GRID2: variants seen among roughly 807,000 people sequenced by gnomAD.
The protein encoded by GRID2 is glutamate ionotropic receptor delta type subunit 2.
In GRID2, 33 loss-of-function variants were observed where a neutral mutation model predicts 114.8. That is an observed-to-expected ratio of 0.29 (90% confidence interval 0.22 to 0.38). The LOEUF (loss-of-function observed/expected upper bound fraction) is 0.38. GRID2 is among the 10% of genes least tolerant of loss of function. GRID2 has a pLI of 1.00. For synonymous variants in GRID2, 505 were observed against 449.9 expected (o/e 1.12, Z -1.55); for missense variants, 1,184 against 1,257.7 (o/e 0.94, Z 0.89).
rs553597709 is a variant in GRID2 at position 93,394,156 on chromosome 4, A to T, written c.1246-1451A>T. On this transcript the variant is annotated intron_variant, in intron 8 of 15. Transcript: ENST00000282020. ...CTCAGAAGAGAAAAGCTCAAAAGAA[A>T]TTTCGTAAAGTTTTAAATATGGCAA... Among the ~76,000 whole-genome samples the T allele has an allele frequency of 9.2e-5, 14 of 152,098 alleles. No individual in the cohort carries two copies. The South Asian group carries it at 1.7e-3, about 18-fold the overall frequency.
chr4:92,689,599 C>T (rs1294027710), intron 2 of GRID2, among the ~76,000 whole-genome samples: 1 of 152,196 alleles, frequency 6.6e-6, no homozygotes, highest in African/African-American at 2.4e-5. Context: ...CTAGGTTAAG[C>T]ACTCCTTATG....
At chr4:93,611,155 G>T (rs1186514668) in intron 13 of GRID2, among the ~76,000 whole-genome samples, 1 of 102,210 alleles carries the variant, frequency 9.8e-6, no homozygotes, top group Non-Finnish European at 2.0e-5. Context: ...GGGATCGGTG[G>T]TGATATCCCC....
chr4:92,610,029 T>C (rs1232743699), intron 2 of GRID2, among the ~76,000 whole-genome samples: 2 of 151,662 alleles, frequency 1.3e-5, no homozygotes, highest in African/African-American at 4.8e-5. Flanking sequence ...TCTTCTACAG[T>C]AGCAGAGTTT....
chr4:93,018,016 C>T (rs556184064), intron 2 of GRID2, among the ~76,000 whole-genome samples: 6 of 150,032 alleles, frequency 4.0e-5, no homozygotes, highest in African/African-American at 9.8e-5. Context: ...AATCTAATTA[C>T]GTAACAGGAA....
chr4:93,372,864 T>C (rs1210749205), intron 8 of GRID2, among the ~76,000 whole-genome samples: 1 of 152,110 alleles, frequency 6.6e-6, no homozygotes, highest in Admixed American at 6.5e-5. Flanking sequence ...ATTATGAAAA[T>C]ATGTACAACA....
rs188084552 is a variant in GRID2 at position 92,784,556 on chromosome 4, G to A, written c.244+194270G>A. On this transcript the variant is annotated intron_variant, in intron 2 of 15. Transcript: ENST00000282020. ...AATTAAATATTATATAAAATTCTGA[G>A]GTTAAAAATTAAATTTTTGAAGTGA... Among the ~76,000 whole-genome samples the A allele has an allele frequency of 4.0e-5, 6 of 151,368 alleles. No individual in the cohort carries two copies. In the East Asian group the frequency reaches 9.8e-4, roughly 25 times the overall value.
At chr4:93,775,830 T>C (rs1227540653), downstream of GRID2, among the ~76,000 whole-genome samples, 1 of 152,214 alleles carries the variant, frequency 6.6e-6, no homozygotes, top group African/African-American at 2.4e-5. Context: ...ACAGGCAATT[T>C]GTCATGTTCG....
At chr4:92,889,049 AAAC>A (rs1746565206) in intron 2 of GRID2, among the ~76,000 whole-genome samples, 1 of 152,180 alleles carries the variant, frequency 6.6e-6, no homozygotes, top group Non-Finnish European at 1.5e-5. Context: ...AATGCAGTGC[AAAC>A]CAAGACAGTA....
intron 14 of GRID2, among the ~76,000 whole-genome samples, chr4:93,767,509 G>C (rs1045341396): frequency 6.6e-6 from 1 of 152,160 alleles, no homozygotes; most frequent in East Asian, 1.9e-4. Flanking sequence ...AAAAGGTCCA[G>C]GTTGTGGGGG....
intron 2 of GRID2, among the ~76,000 whole-genome samples, chr4:92,797,352 CTT>C (rs1464712444): frequency 6.6e-6 from 1 of 151,936 alleles, no homozygotes; most frequent in Non-Finnish European, 1.5e-5. Flanking sequence ...GCTCATAAGA[CTT>C]GAGCTCATTG....
intron 14 of GRID2, among the ~76,000 whole-genome samples, chr4:93,766,669 A>G (rs1733703969): frequency 6.6e-6 from 1 of 152,184 alleles, no homozygotes; most frequent in Non-Finnish European, 1.5e-5. Flanking sequence ...AAGTACTTAT[A>G]AACTCAAATT....
chr4:93,562,882 A>G (rs933610783), intron 13 of GRID2, among the ~76,000 whole-genome samples: 6 of 151,946 alleles, frequency 3.9e-5, no homozygotes, highest in Admixed American at 1.3e-4. Flanking sequence ...ATTCTGTTCT[A>G]TTGATCTCTC....
chr4:92,471,239 G>A (rs1722018770), intron 1 of GRID2, among the ~76,000 whole-genome samples: 1 of 152,102 alleles, frequency 6.6e-6, no homozygotes. Flanking sequence ...TTTAATTATT[G>A]TTGATCTGCA....
At chr4:92,547,875 C>T (rs1176010054) in intron 1 of GRID2, among the ~76,000 whole-genome samples, 1 of 152,026 alleles carries the variant, frequency 6.6e-6, no homozygotes, top group Non-Finnish European at 1.5e-5. Context: ...ATATTGGCAA[C>T]ATAGTTGAAG....
At chr4:92,506,640 C>A (rs75392099) in intron 1 of GRID2, among the ~76,000 whole-genome samples, 1,577 of 151,900 alleles carry the variant, frequency 0.01, 23 homozygotes, top group African/African-American at 0.036. Context: ...GATTTTCTGG[C>A]ATGTATTCTC....
intron 2 of GRID2, among the ~76,000 whole-genome samples, chr4:93,050,257 G>T (rs1429684642): frequency 6.6e-6 from 1 of 152,042 alleles, no homozygotes; most frequent in Non-Finnish European, 1.5e-5. Context: ...TTAAATAAAA[G>T]TTCCTGAAAT....
At chr4:93,613,626 G>T (rs1310474176) in intron 13 of GRID2, among the ~76,000 whole-genome samples, 2 of 115,396 alleles carry the variant, frequency 1.7e-5, no homozygotes, top group Non-Finnish European at 3.9e-5. Context: ...GGCTGCTCGG[G>T]GGTCAGGGGT....
chr4:92,347,309 G>T (rs558479223), intron 1 of GRID2, among the ~76,000 whole-genome samples: 1 of 152,284 alleles, frequency 6.6e-6, no homozygotes, highest in Admixed American at 6.5e-5. Flanking sequence ...TGTGTGTGAG[G>T]CTATGCACAT....
intron 11 of GRID2, among the ~76,000 whole-genome samples, chr4:93,463,252 G>T (rs1038670742): frequency 3.9e-5 from 6 of 152,126 alleles, no homozygotes; most frequent in African/African-American, 1.4e-4. Context: ...TCTACCAATA[G>T]TGAGGAGTAA....
Sources: gnomAD v4.1 joint callset for allele counts (sites outside exome capture counted in the v4.1 genomes callset) on GRCh38, gnomAD v4.1.1 for gene constraint, MANE v1.5 for transcripts, NCBI Gene and HGNC (gene_info 2026-07-23, HGNC 2026-07-21) for gene names.